The following ITPRIPL1 variants were observed in gnomAD, a reference collection of about 807,000 sequenced individuals.
ITPRIPL1 encodes ITPRIP like 1.
ITPRIPL1 carries 28 observed loss-of-function variants against 40.0 expected under a neutral mutation model. The ratio of observed to expected loss-of-function variants is 0.70; its 90% CI spans 0.52 to 0.96. The LOEUF (loss-of-function observed/expected upper bound fraction) is 0.96, where lower values mean the gene tolerates loss of function less well. Among genes scored for constraint, ITPRIPL1 ranks in the 40% least tolerant of loss-of-function variants. The pLI is 0.00. For missense variants in ITPRIPL1, 638 were observed against 698.0 expected (o/e 0.91, Z 0.97); for synonymous variants, 251 against 275.7 (o/e 0.91, Z 0.89).
chr2:96,327,303 G>A lies in ITPRIPL1; in HGVS notation c.672G>A (p.Glu224=). The A allele has an allele frequency of 6.2e-7, 1 of 1,614,196 alleles. No individual in the cohort carries two copies. The highest frequency in any genetic ancestry group is 8.5e-7 in the Non-Finnish European group (1 of 1,180,036). ...GCCTGGGCATCGGGGCTGCCTTTGA[G>A]AAATGGGGAACCCTCCATGAGACCC... The part of the protein sequence containing the change: ...EDCLGIGAAF[E]KWGTLHETQK... The change falls in exon 3 of 3, where the codon GAG becomes GAA. Residue 224 remains glutamate (E), a synonymous_variant. Coordinates refer to ENST00000439118, the MANE Select transcript of ITPRIPL1 (RefSeq NM_001008949.3).
In ITPRIPL1 at chr2:96,327,144, T is replaced by G; in HGVS notation, c.513T>G (p.Phe171Leu). 6.2e-7 allele frequency: 1 copy of G among 1,614,208 alleles called. No homozygotes were observed. Among genetic ancestry groups the G allele is most frequent in the East Asian group, 2.2e-5 (1 of 44,882 alleles). Residue 171 changes from phenylalanine (F) to leucine (L), a missense_variant, in exon 3 of 3, where the codon TTT becomes TTG. Phe to Leu is a conservative substitution (Grantham distance 22). Transcript: ENST00000439118. The stretch of plus-strand genomic sequence containing the variant: ...CCTCCCAGGAGGCCCTGGACTCCTT[T>G]TACAAACACTATGTCCAAAATGCCA... ...DFPSQEALDS[F>L]YKHYVQNAIR...
In ITPRIPL1 at chr2:96,327,808, G is replaced by A; in HGVS notation, c.1177G>A (p.Asp393Asn). 1.2e-6 allele frequency: 2 copies of A among 1,614,158 alleles called. No individual in the cohort carries two copies. Among genetic ancestry groups the A allele is most frequent in the South Asian group, 1.1e-5 (1 of 91,086 alleles). ...APDQEQLTSV[D>N]WPESFVACEH... The stretch of plus-strand genomic sequence containing the variant: ...TGACCAGGAGCAGCTCACCAGTGTG[G>A]ACTGGCCTGAGTCCTTTGTGGCCTG... Residue 393 changes from aspartate to asparagine, a missense_variant, in exon 3 of 3, where the codon GAC (aspartate) becomes AAC (asparagine). Transcript: ENST00000439118.
rs746339380 is a variant in ITPRIPL1, at chr2:96,328,349, G to T, written c.*50G>T. The stretch of plus-strand genomic sequence containing the variant: ...AGAGGAAGGTATTTCTAATTCCTTG[G>T]GCTACAAAAGTGTTTACTTTTCAGA... On this transcript the variant is annotated 3_prime_UTR_variant, in exon 3 of 3. Transcript: ENST00000439118. 7 of 1,527,908 alleles carry T rather than the reference G, an allele frequency of 4.6e-6. No homozygotes were observed. The East Asian group carries it at 1.6e-4, about 34-fold the overall frequency. The allele number at this position is 1,527,908 out of a possible 1,614,324, so 94.6% of individuals were successfully genotyped here. A position where few individuals can be genotyped will look rare whatever the true frequency, so the allele number is the denominator to read the frequency against.
chr2:96,329,296 TGATTCAC>T (rs2064144996), downstream of ITPRIPL1: 2 of 150,958 alleles, frequency 1.3e-5, no homozygotes, highest in Non-Finnish European at 2.9e-5. Context: ...TTATTCGCAT[TGATTCAC>T]AAATATTAAG....
Position 96,326,903 on chromosome 2 carries a change from A to G in ITPRIPL1, c.272A>G (p.Asp91Gly). Residue 91 changes from aspartate (D) to glycine (G), a missense_variant, in exon 3 of 3, where the codon GAC (aspartate) becomes GGC (glycine). Coordinates refer to ENST00000439118, the MANE Select transcript of ITPRIPL1 (RefSeq NM_001008949.3). ...GACCAGTTAGTGCTGGGGAAGAAAG[A>G]CATGGGGTGGCCGTTCCAGGCCGAT... is the stretch of plus-strand genomic sequence containing the variant. ...SSDQLVLGKK[D>G]MGWPFQADGQ... 2 of 1,614,222 alleles carry G rather than the reference A, an allele frequency of 1.2e-6. No individual in the cohort carries two copies. Among genetic ancestry groups the G allele is most frequent in the Non-Finnish European group, 1.7e-6 (2 of 1,180,046 alleles).
In ITPRIPL1 at chr2:96,327,398, C is replaced by G. The variant is rs2064121783; in HGVS notation, c.767C>G (p.Pro256Arg). ...GTMFVLEMRDPALGRRCGCVL... is the reference protein window; with the variant it reads ...GTMFVLEMRDRALGRRCGCVL... Reference sequence around the variant, plus strand: ...ATGTTTGTCCTGGAGATGAGGGACCCAGCCCTGGGCCGCCGCTGTGGCTGT... The same window carrying G: ...ATGTTTGTCCTGGAGATGAGGGACCGAGCCCTGGGCCGCCGCTGTGGCTGT... The change falls in exon 3 of 3, where the codon CCA becomes CGA. Residue 256 changes from proline to arginine, a missense_variant. Coordinates refer to ENST00000439118, the MANE Select transcript of ITPRIPL1 (RefSeq NM_001008949.3). 2 of 1,613,928 alleles carry G rather than the reference C, an allele frequency of 1.2e-6. No homozygotes were observed. The highest frequency in any genetic ancestry group is 2.2e-5 in the East Asian group (1 of 44,870).
At chr2:96,325,588 C>T in intron 1 of ITPRIPL1, 23 bp downstream of exon 1, 1 of 586,622 alleles carries the variant, frequency 1.7e-6, no homozygotes, top group Non-Finnish European at 3.1e-6. Flanking sequence ...GCCCTGGGTC[C>T]CGGGAGACAT....
intron 1 of ITPRIPL1, 25 bp downstream of exon 1, chr2:96,325,590 G>C (rs1014499275): frequency 1.7e-6 from 1 of 586,598 alleles, no homozygotes; most frequent in Non-Finnish European, 3.1e-6. Flanking sequence ...CCTGGGTCCC[G>C]GGAGACATCC....
At chr2:96,326,589 G>C (rs1185528137) in intron 2 of ITPRIPL1, 53 bp from the exon 3 acceptor site, 2 of 1,611,388 alleles carry the variant, frequency 1.2e-6, no homozygotes, top group Non-Finnish European at 1.7e-6. Flanking sequence ...GTGAGCTAGA[G>C]AGCAGATAAG....
downstream of ITPRIPL1, chr2:96,328,456 A>G: frequency 4.3e-6 from 3 of 702,850 alleles, no homozygotes; most frequent in Non-Finnish European, 7.0e-6. Flanking sequence ...GGTGGTCATG[A>G]GGATGGGCAT....
At chr2:96,329,169 ATATATATATATATATATATATATATC>A (rs1167061684), downstream of ITPRIPL1, 1 of 130,436 alleles carries the variant, frequency 7.7e-6, no homozygotes, top group African/African-American at 2.7e-5. Context: ...ATATATATAT[ATATATATATATATATATATATATATC>A]TCCAAGATGT....
rs1256890142 is a variant in ITPRIPL1 at position 96,325,361 on chromosome 2, G to A, written c.-298G>A. On this transcript the variant is annotated 5_prime_UTR_variant, in exon 1 of 3. In the 5' UTR this introduces an upstream ATG that the reference lacks. Transcript: ENST00000439118. ...GGCGCGCGGGCGCCCTCGGAGCCGC[G>A]TGCTGGGGGTCGTAGGGGCCCACCG... The A allele has an allele frequency of 6.3e-6, 1 of 157,712 alleles. No homozygotes were observed. Among genetic ancestry groups the A allele is most frequent in the East Asian group, 1.9e-4 (1 of 5,318 alleles). 9.8% of individuals were successfully genotyped at this position (157,712 alleles called of 1,614,324 possible).
chr2:96,326,124 G>T, intron 2 of ITPRIPL1: 1 of 1,449,604 alleles, frequency 6.9e-7, no homozygotes, highest in African/African-American at 1.4e-5. Flanking sequence ...TGAGTGATGA[G>T]GCTCACTTCA....
rs1449845352 is a variant in ITPRIPL1 at position 96,325,762 on chromosome 2, C to A, written c.-78C>A. 9 of 1,457,358 alleles carry A rather than the reference C, an allele frequency of 6.2e-6. No individual in the cohort carries two copies. Among genetic ancestry groups the A allele is most frequent in the Middle Eastern group, 1.7e-4 (1 of 5,790 alleles). The allele number at this position is 1,457,358 out of a possible 1,614,324, so 90.3% of individuals were successfully genotyped here. On this transcript the variant is annotated 5_prime_UTR_variant, in exon 2 of 3. Coordinates refer to ENST00000439118, the MANE Select transcript of ITPRIPL1 (RefSeq NM_001008949.3). ...ATTTTAACAGGGCTCCTAGAGAGGG[C>A]GGGGAGACGAAGCAAGGCCAAGTTC...
Position 96,328,159 on chromosome 2 carries a change from T to C in ITPRIPL1, c.1528T>C (p.Phe510Leu). Residue 510 changes from phenylalanine to leucine, a missense_variant, in exon 3 of 3, where the codon TTT (phenylalanine) becomes CTT (leucine). Physicochemically the swap from Phe to Leu is conservative, Grantham distance 22. Transcript: ENST00000439118. ...CCTGACCATCCCAATCCCTAAGACA[T>C]TTAGGAATGCTGAGCCGGTCAATCT... ...LPLTIPIPKT[F>L]RNAEPVNLFQ... 1 of 1,614,030 alleles carries C rather than the reference T, an allele frequency of 6.2e-7. No individual in the cohort carries two copies. Among genetic ancestry groups the C allele is most frequent in the Non-Finnish European group, 8.5e-7 (1 of 1,180,000 alleles).
At chr2:96,329,683 C>T (rs535667061), downstream of ITPRIPL1, 1 of 151,876 alleles carries the variant, frequency 6.6e-6, no homozygotes, top group Non-Finnish European at 1.5e-5. Context: ...GGGAAACAGT[C>T]CAACTCTAAA....
At position 96,326,561 on chromosome 2, in the gene ITPRIPL1, A is replaced by G. The variant is rs768657992; in HGVS notation, c.11-81A>G. 7.5e-6 allele frequency: 12 copies of G among 1,591,266 alleles called. No homozygotes were observed. The Admixed American group carries it at 1.9e-4, about 25-fold the overall frequency. On this transcript the variant is annotated intron_variant, in intron 2 of 2. Coordinates refer to ENST00000439118, the MANE Select transcript of ITPRIPL1 (RefSeq NM_001008949.3). ...GTAGCTGATTTTCAGAATTTGGGGT[A>G]CCAGGGCTCTGGGGAATGTGAGCTA...
intron 2 of ITPRIPL1, chr2:96,326,198 C>G (rs544992897): frequency 2.0e-4 from 295 of 1,451,352 alleles, no homozygotes; most frequent in Non-Finnish European, 2.6e-4. Context: ...AACTGGCTGC[C>G]GGGGCAGAGG....
At chr2:96,326,456 C>T (rs2064107824) in intron 2 of ITPRIPL1, 186 bp from the exon 3 acceptor site, 5 of 1,545,146 alleles carry the variant, frequency 3.2e-6, no homozygotes, top group Non-Finnish European at 4.3e-6. Flanking sequence ...CTTTCGCCCT[C>T]TTTTCTCTCG....
Sources: gnomAD v4.1 joint callset for allele counts on GRCh38, gnomAD v4.1.1 for gene constraint, MANE v1.5 for transcripts, NCBI Gene and HGNC (gene_info 2026-07-23, HGNC 2026-07-21) for gene names.